Variants in CACNA1I observed in about 807,000 individuals in gnomAD.
The protein encoded by CACNA1I is calcium voltage-gated channel subunit alpha1 I.
CACNA1I carries 74 observed loss-of-function variants against 201.6 expected under a neutral mutation model. The ratio of observed to expected loss-of-function variants is 0.37; its 90% CI spans 0.30 to 0.45. The LOEUF (loss-of-function observed/expected upper bound fraction) is 0.45. Ranked by LOEUF, CACNA1I falls within the 20% of genes least tolerant of loss-of-function variation. The pLI, the probability that CACNA1I is intolerant of heterozygous loss-of-function variation, is 1.00. For synonymous variants in CACNA1I, 1,431 were observed against 1,345.2 expected (o/e 1.06, Z -1.40); for missense variants, 2,346 against 3,138.1 (o/e 0.75, Z 6.03).
chr22:39,593,854 T>C (rs1197887483), intron 1 of CACNA1I, among the ~76,000 whole-genome samples: 2 of 152,318 alleles, frequency 1.3e-5, no homozygotes, highest in African/African-American at 4.8e-5. Flanking sequence ...AAATGGGGCT[T>C]ATAAAAGAGC....
chr22:39,585,165 T>A (rs1932700684), intron 1 of CACNA1I, among the ~76,000 whole-genome samples: 1 of 152,164 alleles, frequency 6.6e-6, no homozygotes, highest in Non-Finnish European at 1.5e-5. Flanking sequence ...GTTCAAGCGA[T>A]TCTCCTGCCT....
chr22:39,619,182 A>T (rs543521940), intron 3 of CACNA1I, 128 bp from the exon 4 acceptor site: 1 of 709,542 alleles, frequency 1.4e-6, no homozygotes, highest in South Asian at 1.6e-5. Context: ...GTAGCTGGAG[A>T]TCCGACTGCT....
chr22:39,646,336 GTC>G (rs1294454357), intron 7 of CACNA1I, among the ~76,000 whole-genome samples: 1 of 151,722 alleles, frequency 6.6e-6, no homozygotes, highest in Non-Finnish European at 1.5e-5. Flanking sequence ...GTACCTCACT[GTC>G]TCTTTCTACC....
In CACNA1I at chr22:39,663,707, A is replaced by AGC; in HGVS notation, c.3474-11_3474-10insGC. The AGC allele has an allele frequency of 9.3e-6, 8 of 864,770 alleles. No homozygotes were observed. The highest frequency in any genetic ancestry group is 4.1e-5 in the East Asian group (1 of 24,180). The allele number at this position is 864,770 out of a possible 1,614,324, so 53.6% of individuals were successfully genotyped here. A position where few individuals can be genotyped will look rare whatever the true frequency, so the allele number is the denominator to read the frequency against. On this transcript the variant is annotated splice_polypyrimidine_tract_variant and intron_variant, in intron 18 of 36. Coordinates refer to ENST00000402142, the MANE Select transcript of CACNA1I (RefSeq NM_021096.4). Reference sequence around the variant, plus strand: ...GCTGACGCTCAGGCAGCCCCCGCCCACCCTGCCCAGGTTCCGGGTCCTGTG... The same window carrying AGC: ...GCTGACGCTCAGGCAGCCCCCGCCCAGCCCCTGCCCAGGTTCCGGGTCCTGTG...
At chr22:39,620,041 A>ATCCG (rs1933685228) in intron 4 of CACNA1I, among the ~76,000 whole-genome samples, 1 of 139,524 alleles carries the variant, frequency 7.2e-6, no homozygotes, top group Non-Finnish European at 1.6e-5. Context: ...CCATCCATCC[A>ATCCG]TCCATCCATC....
chr22:39,637,510 G>A (rs1331442126), intron 5 of CACNA1I, among the ~76,000 whole-genome samples: 1 of 152,092 alleles, frequency 6.6e-6, no homozygotes, highest in Non-Finnish European at 1.5e-5. Context: ...TCTGTCACTT[G>A]GCAGCACTCC....
In CACNA1I at chr22:39,670,100, C is replaced by T; in HGVS notation, c.4257C>T (p.Ser1419=). ...LYFISFLLIV[S]FFVLNMFVGV... ...TCATCTCCTTCCTGCTCATCGTCAG[C>T]TTCTTTGTGCTCAACATGTTTGTGG... Residue 1419 remains serine, a synonymous_variant, in exon 25 of 37, where the codon AGC becomes AGT. Transcript: ENST00000402142. 6.2e-7 allele frequency: 1 copy of T among 1,613,724 alleles called. No individual in the cohort carries two copies. The highest frequency in any genetic ancestry group is 8.5e-7 in the Non-Finnish European group (1 of 1,179,878).
At chr22:39,616,494 G>GTGGCTC (rs1283415163) in intron 3 of CACNA1I, among the ~76,000 whole-genome samples, 26 of 152,272 alleles carry the variant, frequency 1.7e-4, no homozygotes, top group Admixed American at 1.5e-3. Context: ...GCTGGGCACG[G>GTGGCTC]TGGCTCACGC....
chr22:39,672,346 G>T, intron 27 of CACNA1I, 38 bp downstream of exon 27: 1 of 1,342,086 alleles, frequency 7.5e-7, no homozygotes. Context: ...TAATAGGGTA[G>T]ACTGCAGGAT....
Position 39,664,074 on chromosome 22 carries a change from T to C in CACNA1I, c.3598-17T>C. ...TCTGGGAGCCCCTGAGCCTATGGTA[T>C]CTCCCGATGCTTTCAGGAACGCATC... On this transcript the variant is annotated splice_polypyrimidine_tract_variant and intron_variant, in intron 19 of 36. Transcript: ENST00000402142. The C allele has an allele frequency of 6.2e-7, 1 of 1,612,252 alleles. No homozygotes were observed. The highest frequency in any genetic ancestry group is 2.2e-5 in the East Asian group (1 of 44,834).
chr22:39,619,470 G>C, intron 4 of CACNA1I, 63 bp downstream of exon 4: 5 of 1,290,646 alleles, frequency 3.9e-6, no homozygotes, highest in Non-Finnish European at 5.6e-6. Context: ...ACCCATCCCT[G>C]GCCTACCTAG....
intron 3 of CACNA1I, among the ~76,000 whole-genome samples, chr22:39,613,458 T>A (rs1933440289): frequency 6.6e-6 from 1 of 152,202 alleles, no homozygotes; most frequent in Admixed American, 6.5e-5. Context: ...GAGGTAACAG[T>A]TGAGGCTGCG....
In CACNA1I at chr22:39,686,242, T is replaced by C; in HGVS notation, c.6509T>C (p.Leu2170Pro). 1 of 1,244,338 alleles carries C rather than the reference T, an allele frequency of 8.0e-7. No individual in the cohort carries two copies. The highest frequency in any genetic ancestry group is 1.0e-6 in the Non-Finnish European group (1 of 999,112). The allele number at this position is 1,244,338 out of a possible 1,614,324, so 77.1% of individuals were successfully genotyped here. A position where few individuals can be genotyped will look rare whatever the true frequency, so the allele number is the denominator to read the frequency against. The change falls in exon 37 of 37, where the codon CTG (leucine) becomes CCG (proline). Residue 2170 changes from leucine to proline, a missense_variant. This residue lies in a region of CACNA1I where 187 missense variants were observed against 151.0 expected (regional missense o/e 1.24). Coordinates refer to ENST00000402142, the MANE Select transcript of CACNA1I (RefSeq NM_021096.4). Reference protein sequence around the residue: ...AAPGRPHAAALAHGLARSPSW... With the variant: ...AAPGRPHAAAPAHGLARSPSW... ...CCCGGCCGCCCCCACGCCGCCGCCC[T>C]GGCCCACGGCCTGGCCCGGAGCCCC...
intron 1 of CACNA1I, among the ~76,000 whole-genome samples, chr22:39,597,094 T>C (rs1932909668): frequency 1.3e-5 from 2 of 152,200 alleles, no homozygotes; most frequent in Admixed American, 6.5e-5. Flanking sequence ...ATACTATGTG[T>C]GGCTCAAGTC....
chr22:39,658,045 G>A (rs1244275628), intron 10 of CACNA1I, 107 bp from the exon 11 acceptor site: 8 of 1,184,218 alleles, frequency 6.8e-6, no homozygotes, highest in Non-Finnish European at 7.4e-6. Flanking sequence ...GGTATGGTGA[G>A]GACACCGACC....
Position 39,619,359 on chromosome 22 carries a change from C to T in CACNA1I, c.532C>T (p.Arg178Cys), listed in dbSNP as rs1369098689. Residue 178 changes from arginine to cysteine, a missense_variant, in exon 4 of 37, where the codon CGC becomes TGC. By Grantham distance (180) the Arg-to-Cys change is radical. Coordinates refer to ENST00000402142, the MANE Select transcript of CACNA1I (RefSeq NM_021096.4). ...TCAGAACATCAACCTGTCAGCCATCCGCACCGTGCGCGTCCTGAGGCCCCT... is the reference window on the plus strand; with the variant it reads ...TCAGAACATCAACCTGTCAGCCATCTGCACCGTGCGCGTCCTGAGGCCCCT... ...DLQNINLSAI[R>C]TVRVLRPLKA... The T allele has an allele frequency of 3.1e-6, 5 of 1,609,744 alleles. No homozygotes were observed. The highest frequency in any genetic ancestry group is 1.3e-5 in the African/African-American group (1 of 74,916).
intron 3 of CACNA1I, among the ~76,000 whole-genome samples, chr22:39,603,743 G>T (rs1397532214): frequency 6.6e-6 from 1 of 152,200 alleles, no homozygotes; most frequent in Admixed American, 6.5e-5. Context: ...TATCCAGCTC[G>T]TTAAGGAGTA....
chr22:39,675,136 C>G (rs1033175195), intron 29 of CACNA1I, among the ~76,000 whole-genome samples: 2 of 152,242 alleles, frequency 1.3e-5, no homozygotes, highest in African/African-American at 4.8e-5. Context: ...GAGAGCAAAG[C>G]CTGGGCCCTG....
intron 20 of CACNA1I, 29 bp from the exon 21 acceptor site, chr22:39,664,708 CAG>C: frequency 1.2e-6 from 1 of 806,052 alleles, no homozygotes; most frequent in Non-Finnish European, 1.8e-6. Flanking sequence ...CCTCCCGCGG[CAG>C]CCTGACCCCG....
Sources: allele counts gnomAD v4.1 joint callset (sites outside exome capture counted in the v4.1 genomes callset), GRCh38; gene constraint gnomAD v4.1.1; regional missense constraint gnomAD v4.1.1; transcripts MANE v1.5; gene names NCBI Gene and HGNC (gene_info 2026-07-23, HGNC 2026-07-21).